The following RASEF variants were observed in gnomAD, a reference collection of about 807,000 sequenced individuals.
The protein encoded by RASEF is ras and EF-hand domain-containing protein.
A neutral mutation model predicts 90.1 loss-of-function variants in RASEF; 68 were observed. The observed-to-expected ratio is 0.75, with a 90% confidence interval of 0.62 to 0.92. RASEF has a LOEUF of 0.92. Ranked by LOEUF, RASEF falls within the 40% of genes least tolerant of loss-of-function variation. RASEF has a pLI of 0.00. For missense variants in RASEF, 949 were observed against 937.2 expected (o/e 1.01, Z -0.16); for synonymous variants, 331 against 345.2 (o/e 0.96, Z 0.46).
At chr9:83,143,123 C>A in the RASEF span, among the ~76,000 whole-genome samples, 2 of 152,120 alleles carry the variant, frequency 1.3e-5, no homozygotes, top group African/African-American at 4.8e-5. Context: ...GATTCATGAT[C>A]CCACAGTTGA....
chr9:83,007,325 C>T (rs1417715956), intron 7 of RASEF, 112 bp downstream of exon 7: 1 of 825,336 alleles, frequency 1.2e-6, no homozygotes, highest in Non-Finnish European at 2.1e-6. Context: ...ACCCACTGAC[C>T]TGCAAACCCA....
At position 83,022,333 on chromosome 9, in the gene RASEF, C is replaced by T. The variant is rs150750259; in HGVS notation, c.669+3G>A. The T allele has an allele frequency of 3.1e-6, 5 of 1,612,818 alleles. No individual in the cohort carries two copies. Among genetic ancestry groups the T allele is most frequent in the South Asian group, 1.1e-5 (1 of 91,040 alleles). On this transcript the variant is annotated splice_donor_region_variant and intron_variant, in intron 3 of 16. Transcript: ENST00000376447. ...TGAATGAATGGCCAACCCAGAAACT[C>T]ACGTCTTTCCGTGTCTTATGTTCTG...
chr9:83,207,082 G>T, the RASEF span, among the ~76,000 whole-genome samples: 1 of 152,074 alleles, frequency 6.6e-6, no homozygotes. Flanking sequence ...ATCTTGCTCC[G>T]CACATGGAAA....
At chr9:83,088,372 G>GGATAGATAGATA in the RASEF span, among the ~76,000 whole-genome samples, 13,070 of 147,496 alleles carry the variant, frequency 0.089, 635 homozygotes, top group South Asian at 0.11. Flanking sequence ...ATAGATAGAT[G>GGATAGATAGATA]GATAGATAGA....
At chr9:83,104,929 T>TTACATCCCTTCTACACTTCC in the RASEF span, among the ~76,000 whole-genome samples, 1 of 152,170 alleles carries the variant, frequency 6.6e-6, no homozygotes, top group African/African-American at 2.4e-5. Flanking sequence ...AAAGACCATT[T>TTACATCCCTTCTACACTTCC]TACATCCCTT....
At chr9:83,019,162 G>A (rs971208864) in intron 3 of RASEF, among the ~76,000 whole-genome samples, 3 of 152,090 alleles carry the variant, frequency 2.0e-5, no homozygotes, top group Non-Finnish European at 4.4e-5. Flanking sequence ...TTACTGTTAG[G>A]AGAATGAAAA....
the RASEF span, among the ~76,000 whole-genome samples, chr9:83,168,279 C>T: frequency 5.3e-5 from 8 of 152,082 alleles, no homozygotes; most frequent in African/African-American, 1.7e-4. Context: ...TTTTCCTGTG[C>T]TTATTGGCCA....
At chr9:83,214,322 T>C in the RASEF span, among the ~76,000 whole-genome samples, 1 of 152,070 alleles carries the variant, frequency 6.6e-6, no homozygotes, top group Non-Finnish European at 1.5e-5. Context: ...GAGGCAGAGG[T>C]TGGAATGAGT....
In RASEF at chr9:82,980,178, CAG is replaced by C. The variant is rs1367212157; in HGVS notation, c.*2497_*2498del. ...GATTTTAAAATATCTTAAAGAAAAA[CAG>C]GGACAAGGTGAATAACTTCCATAGT... On this transcript the variant is annotated 3_prime_UTR_variant, in exon 17 of 17. Transcript: ENST00000376447. 1 of 151,982 alleles carries C rather than the reference CAG, an allele frequency of 6.6e-6. No homozygotes were observed. Among genetic ancestry groups the C allele is most frequent in the Non-Finnish European group, 1.5e-5 (1 of 67,982 alleles). 9.4% of individuals were successfully genotyped at this position (151,982 alleles called of 1,614,324 possible). A position where few individuals can be genotyped will look rare whatever the true frequency, so the allele number is the denominator to read the frequency against.
At chr9:83,085,659 C>T in the RASEF span, among the ~76,000 whole-genome samples, 3 of 151,986 alleles carry the variant, frequency 2.0e-5, no homozygotes, top group Admixed American at 6.6e-5. Context: ...GGCGCAGTGG[C>T]TCACACCTAT....
the RASEF span, among the ~76,000 whole-genome samples, chr9:83,108,283 T>G: frequency 6.6e-6 from 1 of 152,170 alleles, no homozygotes; most frequent in African/African-American, 2.4e-5. Flanking sequence ...TCATGTCAGA[T>G]ACAATCTATA....
At chr9:83,025,719 G>A (rs1373694321) in intron 2 of RASEF, 56 bp downstream of exon 2, 3 of 1,564,882 alleles carry the variant, frequency 1.9e-6, no homozygotes, top group Non-Finnish European at 8.7e-7. Flanking sequence ...TGCCACCCAG[G>A]TCAGAGAGCA....
At chr9:83,113,231 C>T in the RASEF span, among the ~76,000 whole-genome samples, 2 of 152,146 alleles carry the variant, frequency 1.3e-5, no homozygotes, top group African/African-American at 2.4e-5. Flanking sequence ...AATCTCTGAA[C>T]ATAAATTGTG....
chr9:83,048,363 C>G, intron 1 of RASEF: 1 of 985,394 alleles, frequency 1.0e-6, no homozygotes, highest in Non-Finnish European at 1.2e-6. Flanking sequence ...CTGACCACCA[C>G]TGAGATCTGG....
chr9:83,067,580 A>G (rs1657276539), upstream of RASEF, among the ~76,000 whole-genome samples: 1 of 152,210 alleles, frequency 6.6e-6, no homozygotes, highest in Non-Finnish European at 1.5e-5. Context: ...TAATTAATGT[A>G]TAGCATTGTT....
the RASEF span, among the ~76,000 whole-genome samples, chr9:83,078,216 T>C: frequency 6.6e-6 from 1 of 152,128 alleles, no homozygotes; most frequent in African/African-American, 2.4e-5. Flanking sequence ...CCTCATACAA[T>C]GGTTTGCAGC....
chr9:83,154,219 G>T, the RASEF span, among the ~76,000 whole-genome samples: 1 of 152,174 alleles, frequency 6.6e-6, no homozygotes, highest in Non-Finnish European at 1.5e-5. Context: ...TACCTGCCTG[G>T]TTTGTATAGT....
chr9:83,005,931 C>A (rs1829122904), intron 7 of RASEF, among the ~76,000 whole-genome samples: 1 of 152,212 alleles, frequency 6.6e-6, no homozygotes, highest in Non-Finnish European at 1.5e-5. Context: ...CACAGCCTGG[C>A]ACTGTTCCAC....
chr9:83,057,852 T>TATATACATATATTCATATATAC (rs1289573656), intron 1 of RASEF, among the ~76,000 whole-genome samples: 1 of 27,936 alleles, frequency 3.6e-5, no homozygotes, highest in Non-Finnish European at 7.0e-5. Context: ...TATACATATA[T>TATATACATATATTCATATATAC]ATATATATAT....
Sources: gnomAD v4.1 joint callset for allele counts (sites outside exome capture counted in the v4.1 genomes callset) on GRCh38, gnomAD v4.1.1 for gene constraint, MANE v1.5 for transcripts, NCBI Gene and HGNC (gene_info 2026-07-23, HGNC 2026-07-21) for gene names.